Variants in PDE1C observed in about 807,000 individuals in gnomAD.
PDE1C encodes dual specificity calcium/calmodulin-dependent 3',5'-cyclic nucleotide phosphodiesterase 1C.
A neutral mutation model predicts 93.1 loss-of-function variants in PDE1C; 62 were observed. The ratio of observed to expected loss-of-function variants is 0.67; its 90% CI spans 0.54 to 0.82. The LOEUF is 0.82. Ranked by LOEUF, PDE1C falls within the 40% of genes least tolerant of loss-of-function variation. The pLI is 0.00. For synonymous variants in PDE1C, 325 were observed against 310.1 expected, an observed-to-expected ratio of 1.05 and a Z score of -0.50; for missense variants, 742 against 884.6, an observed-to-expected ratio of 0.84 and a Z score of 2.04.
At chr7:31,737,578 G>C in the PDE1C span, among the ~76,000 whole-genome samples, 1 of 152,176 alleles carries the variant, frequency 6.6e-6, no homozygotes, top group East Asian at 1.9e-4. Context: ...GAAGTGGGCG[G>C]ATCACCTGAG....
At chr7:31,722,748 C>T in the PDE1C span, among the ~76,000 whole-genome samples, 1 of 152,182 alleles carries the variant, frequency 6.6e-6, no homozygotes, top group Admixed American at 6.5e-5. Context: ...CTTAGAGGAA[C>T]TCAGAGTAAG....
intron 3 of PDE1C, among the ~76,000 whole-genome samples, chr7:32,114,646 C>T (rs987679101): frequency 6.6e-6 from 1 of 152,168 alleles, no homozygotes; most frequent in African/African-American, 2.4e-5. Context: ...AGAGCTCCTG[C>T]ACAGCAAAAG....
intron 2 of PDE1C, among the ~76,000 whole-genome samples, chr7:31,881,199 A>C (rs1033583522): frequency 1.3e-5 from 2 of 152,168 alleles, no homozygotes; most frequent in African/African-American, 4.8e-5. Flanking sequence ...CCAGCAGCAA[A>C]ATCACCAAAT....
At chr7:31,928,904 A>G (rs2128975036) in intron 2 of PDE1C, among the ~76,000 whole-genome samples, 2 of 152,334 alleles carry the variant, frequency 1.3e-5, no homozygotes, top group Middle Eastern at 3.4e-3. Context: ...AGCTAGCATC[A>G]TGATGACAGG....
At chr7:31,961,235 T>C (rs1808895546) in intron 2 of PDE1C, among the ~76,000 whole-genome samples, 1 of 150,518 alleles carries the variant, frequency 6.6e-6, no homozygotes, top group East Asian at 2.0e-4. Flanking sequence ...CGTACATGTA[T>C]ATGTATATGT....
intron 2 of PDE1C, among the ~76,000 whole-genome samples, chr7:32,184,597 A>G (rs1230576119): frequency 6.6e-6 from 1 of 152,176 alleles, no homozygotes. Flanking sequence ...AGAATTGAAC[A>G]ATGAGAACAC....
chr7:31,933,538 A>C (rs1416785676), intron 2 of PDE1C, among the ~76,000 whole-genome samples: 1 of 152,216 alleles, frequency 6.6e-6, no homozygotes, highest in Non-Finnish European at 1.5e-5. Context: ...AAACAAGTGC[A>C]TTGTGTAACA....
Position 31,775,682 on chromosome 7 carries a change from A to T in PDE1C, c.1942T>A (p.Cys648Ser). The stretch of plus-strand genomic sequence containing the variant: ...TACCCACCTGGCAACGTAAGGCGAC[A>T]CGTGGAGCTGGTGCTTGGGGCTGGT... Reference protein sequence around the residue: ...GSPAPSTSSTCRLTLPVIKPP... With the variant: ...GSPAPSTSSTSRLTLPVIKPP... Residue 648 changes from cysteine to serine, a missense_variant, in exon 17 of 18, where the codon TGT becomes AGT. Physicochemically the swap from Cys to Ser is moderately radical, Grantham distance 112. Coordinates refer to ENST00000396191, the MANE Select transcript of PDE1C (RefSeq NM_001191057.4). 2 of 1,612,884 alleles carry T rather than the reference A, an allele frequency of 1.2e-6. No individual in the cohort carries two copies. Among genetic ancestry groups the T allele is most frequent in the Non-Finnish European group, 1.7e-6 (2 of 1,179,858 alleles).
At chr7:31,620,425 G>A in the PDE1C span, among the ~76,000 whole-genome samples, 334 of 151,796 alleles carry the variant, frequency 2.2e-3, 1 homozygote, top group African/African-American at 6.9e-3. Flanking sequence ...CCAGAGGAAC[G>A]ATCAGACAGC....
chr7:31,697,145 AG>A, the PDE1C span: 1 of 1,611,856 alleles, frequency 6.2e-7, no homozygotes, highest in Non-Finnish European at 8.5e-7. Context: ...GGGCATTTGC[AG>A]GGGGTGATGG....
chr7:32,301,755 GC>G (rs1289531474), upstream of PDE1C, among the ~76,000 whole-genome samples: 6 of 152,330 alleles, frequency 3.9e-5, no homozygotes, highest in Admixed American at 2.6e-4. Context: ...ACTCAAGAAA[GC>G]CTGGGAAGTA....
chr7:31,748,367 A>G (rs1375999775), downstream of PDE1C, among the ~76,000 whole-genome samples: 1 of 152,232 alleles, frequency 6.6e-6, no homozygotes, highest in Non-Finnish European at 1.5e-5. Context: ...TGTCTCCATA[A>G]TGACTGATAT....
intron 1 of PDE1C, among the ~76,000 whole-genome samples, chr7:32,374,449 A>T (rs1784401592): frequency 6.6e-6 from 1 of 152,222 alleles, no homozygotes; most frequent in Non-Finnish European, 1.5e-5. Flanking sequence ...GAACATTCAC[A>T]CTTGGTGGCA....
At chr7:31,882,935 A>G (rs1039674241) in intron 2 of PDE1C, among the ~76,000 whole-genome samples, 3 of 152,244 alleles carry the variant, frequency 2.0e-5, no homozygotes, top group African/African-American at 7.2e-5. Context: ...AAAAGGGATC[A>G]AATACAATTT....
upstream of PDE1C, among the ~76,000 whole-genome samples, chr7:32,074,761 A>G (rs373333206): frequency 2.0e-5 from 3 of 152,196 alleles, no homozygotes; most frequent in South Asian, 4.1e-4. Flanking sequence ...AGGTGGGTGG[A>G]GGCAGGTGAT....
chr7:32,030,692 C>T (rs1471402489), intron 2 of PDE1C, among the ~76,000 whole-genome samples: 1 of 152,060 alleles, frequency 6.6e-6, no homozygotes, highest in African/African-American at 2.4e-5. Context: ...TTCTGGTCAA[C>T]TTCATAATAA....
chr7:32,040,593 C>A (rs960587833), intron 2 of PDE1C, among the ~76,000 whole-genome samples: 2 of 152,112 alleles, frequency 1.3e-5, no homozygotes, highest in Non-Finnish European at 2.9e-5. Flanking sequence ...TGAACAGAAG[C>A]CAGGCATTCT....
chr7:32,183,883 A>C (rs960536888), intron 2 of PDE1C, among the ~76,000 whole-genome samples: 1 of 152,176 alleles, frequency 6.6e-6, no homozygotes, highest in Non-Finnish European at 1.5e-5. Context: ...AATGGGAGAA[A>C]ATTTTCCCAA....
At chr7:32,183,559 C>A in intron 2 of PDE1C, among the ~76,000 whole-genome samples, 1 of 152,156 alleles carries the variant, frequency 6.6e-6, no homozygotes, top group Non-Finnish European at 1.5e-5. Flanking sequence ...GAAAGGATTC[C>A]CTATTTAATA....
Sources: allele counts gnomAD v4.1 joint callset (sites outside exome capture counted in the v4.1 genomes callset), GRCh38; gene constraint gnomAD v4.1.1; transcripts MANE v1.5; gene names NCBI Gene and HGNC (gene_info 2026-07-23, HGNC 2026-07-21).